Variants in FGGY observed in about 807,000 individuals in gnomAD.
FGGY encodes the protein FGGY carbohydrate kinase domain-containing protein.
Under a neutral mutation model 71.3 loss-of-function variants are expected in FGGY, and 72 were observed. That is an observed-to-expected ratio of 1.01 (90% CI 0.84 to 1.23). The LOEUF (loss-of-function observed/expected upper bound fraction) is 1.23, where lower values mean the gene tolerates loss of function less well. Among genes scored for constraint, FGGY ranks in the 50% most tolerant of loss-of-function variants. The pLI, the probability that FGGY is intolerant of heterozygous loss-of-function variation, is 0.00. For missense variants in FGGY, 668 were observed against 682.3 expected (o/e 0.98, Z 0.23); for synonymous variants, 251 against 250.3 (o/e 1.00, Z -0.02).
At chr1:59,333,462 G>T (rs144320375) in intron 2 of FGGY, among the ~76,000 whole-genome samples, 212 of 152,300 alleles carry the variant, frequency 1.4e-3, no homozygotes, top group African/African-American at 3.8e-3. Flanking sequence ...GGAGATGCAG[G>T]TTTAGGTAAT....
chr1:59,566,288 T>C (rs1289902747), intron 8 of FGGY, among the ~76,000 whole-genome samples: 1 of 152,204 alleles, frequency 6.6e-6, no homozygotes, highest in East Asian at 1.9e-4. Context: ...CTCATTTAGT[T>C]CTACATACAT....
chr1:59,566,990 T>A (rs2095883761), intron 8 of FGGY, among the ~76,000 whole-genome samples: 1 of 152,198 alleles, frequency 6.6e-6, no homozygotes, highest in African/African-American at 2.4e-5. Context: ...TACTTGTATG[T>A]ACCTGACACA....
chr1:59,437,245 C>T (rs1294378398), intron 5 of FGGY, among the ~76,000 whole-genome samples: 1 of 152,148 alleles, frequency 6.6e-6, no homozygotes, highest in African/African-American at 2.4e-5. Flanking sequence ...GTTGGGTGTT[C>T]TGCTAGATTG....
At chr1:59,742,962 C>T (rs1423722727) in intron 14 of FGGY, among the ~76,000 whole-genome samples, 1 of 152,192 alleles carries the variant, frequency 6.6e-6, no homozygotes, top group Non-Finnish European at 1.5e-5. Context: ...ACAAAACTAC[C>T]AGAGTGATCT....
At chr1:59,444,418 T>C (rs1349212670) in intron 5 of FGGY, among the ~76,000 whole-genome samples, 1 of 152,172 alleles carries the variant, frequency 6.6e-6, no homozygotes, top group African/African-American at 2.4e-5. Context: ...GAATGTTTAA[T>C]ATCCTCTTTC....
chr1:59,512,043 A>C (rs535612934), intron 6 of FGGY, among the ~76,000 whole-genome samples: 2 of 152,208 alleles, frequency 1.3e-5, no homozygotes, highest in East Asian at 3.9e-4. Context: ...TTCCTTTTGA[A>C]ATTTCCCATT....
intron 7 of FGGY, among the ~76,000 whole-genome samples, chr1:59,528,335 G>A (rs1015941280): frequency 1.3e-5 from 2 of 152,154 alleles, no homozygotes; most frequent in Non-Finnish European, 1.5e-5. Flanking sequence ...TTATGGCTGT[G>A]CACATTCTCA....
chr1:59,681,627 G>C lies in FGGY; in HGVS notation c.1512+7494G>C, dbSNP rs946046488. Among the ~76,000 whole-genome samples the C allele has an allele frequency of 1.3e-4, 20 of 152,044 alleles. 1 individual carries two copies. Among genetic ancestry groups the C allele is most frequent in the Admixed American group, 9.8e-4 (15 of 15,264 alleles). ...CTTTTTATTGTAAACATTCTTGTTG[G>C]AATAAACTAGAAATAGGTTTTTTTT... On this transcript the variant is annotated intron_variant, in intron 14 of 15. Coordinates refer to ENST00000303721, the MANE Select transcript of FGGY (RefSeq NM_018291.5).
Position 59,432,981 on chromosome 1 carries a change from T to G in FGGY, c.555-23980T>G, listed in dbSNP as rs141681149. Reference sequence around the variant, plus strand: ...ACTAAATGCCAGTTATTTCCTTACATGATTACCTCTCCCACAAGATTCAGA... The same window carrying G: ...ACTAAATGCCAGTTATTTCCTTACAGGATTACCTCTCCCACAAGATTCAGA... On this transcript the variant is annotated intron_variant, in intron 5 of 15. Coordinates refer to ENST00000303721, the MANE Select transcript of FGGY (RefSeq NM_018291.5). Among the ~76,000 whole-genome samples, 189 of 152,338 alleles carry G rather than the reference T, an allele frequency of 1.2e-3. 1 individual carries two copies. Among genetic ancestry groups the G allele is most frequent in the African/African-American group, 4.4e-3 (185 of 41,580 alleles).
At chr1:59,605,194 C>T (rs555537315) in intron 8 of FGGY, among the ~76,000 whole-genome samples, 4 of 152,316 alleles carry the variant, frequency 2.6e-5, no homozygotes, top group African/African-American at 9.6e-5. Context: ...TGCTCTCTTA[C>T]TACCTTTTGG....
intron 5 of FGGY, among the ~76,000 whole-genome samples, chr1:59,426,344 C>T (rs1021278783): frequency 6.6e-6 from 1 of 151,754 alleles, no homozygotes; most frequent in Non-Finnish European, 1.5e-5. Context: ...TCCTGGAAGG[C>T]TTGTCATTAG....
intron 9 of FGGY, among the ~76,000 whole-genome samples, chr1:59,614,510 G>A (rs2096728404): frequency 6.6e-6 from 1 of 152,128 alleles, no homozygotes; most frequent in South Asian, 2.1e-4. Context: ...AAAATAGTAA[G>A]AGCTATCTAT....
intron 7 of FGGY, among the ~76,000 whole-genome samples, chr1:59,536,328 C>G (rs951705590): frequency 1.9e-4 from 29 of 152,230 alleles, no homozygotes; most frequent in South Asian, 4.1e-4. Flanking sequence ...GAAATTGTGT[C>G]AATAATCAAT....
intron 9 of FGGY, among the ~76,000 whole-genome samples, chr1:59,622,722 T>A (rs1467978772): frequency 1.3e-5 from 2 of 152,190 alleles, no homozygotes; most frequent in Non-Finnish European, 2.9e-5. Context: ...TAACCTCTCA[T>A]TTCTTAATCA....
intron 13 of FGGY, among the ~76,000 whole-genome samples, chr1:59,672,834 C>T (rs552679392): frequency 1.3e-5 from 2 of 152,250 alleles, no homozygotes; most frequent in South Asian, 2.1e-4. Flanking sequence ...TGCCATCTCC[C>T]GATTAGCAGA....
chr1:59,697,353 G>GC (rs1161436428), intron 14 of FGGY, among the ~76,000 whole-genome samples: 1 of 151,880 alleles, frequency 6.6e-6, no homozygotes, highest in Non-Finnish European at 1.5e-5. Flanking sequence ...ACTCTGCATT[G>GC]CCCCCTCCCC....
At chr1:59,372,799 A>G (rs553395404) in intron 4 of FGGY, among the ~76,000 whole-genome samples, 1 of 152,178 alleles carries the variant, frequency 6.6e-6, no homozygotes, top group Non-Finnish European at 1.5e-5. Context: ...ACAGAACCAA[A>G]GACAAAAACC....
intron 5 of FGGY, among the ~76,000 whole-genome samples, chr1:59,430,645 A>G (rs1212379790): frequency 1.3e-5 from 2 of 152,086 alleles, no homozygotes; most frequent in East Asian, 3.9e-4. Flanking sequence ...TTAATAAAAA[A>G]TCTCTTGGTT....
intron 8 of FGGY, among the ~76,000 whole-genome samples, chr1:59,588,834 C>G (rs2096366976): frequency 6.6e-6 from 1 of 152,220 alleles, no homozygotes. Context: ...ACTGGAAAAT[C>G]ATGCCAAACT....
Sources: allele counts gnomAD v4.1 joint callset (sites outside exome capture counted in the v4.1 genomes callset), GRCh38; gene constraint gnomAD v4.1.1; transcripts MANE v1.5; gene names NCBI Gene and HGNC (gene_info 2026-07-23, HGNC 2026-07-21).